SETD3: variants seen among roughly 807,000 people sequenced by gnomAD.
SETD3 encodes the protein SET domain containing 3, actin N3(tau)-histidine methyltransferase.
In SETD3, 19 loss-of-function variants were observed where a neutral mutation model predicts 63.0. That is an observed-to-expected ratio of 0.30 (90% CI 0.21 to 0.44). The LOEUF (loss-of-function observed/expected upper bound fraction) is 0.44. Ranked by LOEUF, SETD3 falls within the 20% of genes least tolerant of loss-of-function variation. The pLI is 1.00. For missense variants in SETD3, 587 were observed against 728.5 expected (o/e 0.81, Z 2.24); for synonymous variants, 286 against 264.1 (o/e 1.08, Z -0.80).
rs528812450 is a variant in SETD3 at position 99,418,166 on chromosome 14, A to G, written c.676-4232T>C. ...AAAATTATTAATTTCAAATATATTT[A>G]TGGAAGAATTCAGTGACTCTGCCCT... On this transcript the variant is annotated intron_variant, in intron 6 of 12. Transcript: ENST00000331768. Among the ~76,000 whole-genome samples, 3 of 152,352 alleles carry G rather than the reference A, an allele frequency of 2.0e-5. No individual in the cohort carries two copies. The South Asian group carries it at 6.2e-4, about 32-fold the overall frequency.
intron 2 of SETD3, among the ~76,000 whole-genome samples, chr14:99,463,927 T>G (rs1777164672): frequency 6.6e-6 from 1 of 152,178 alleles, no homozygotes. Context: ...AAATGCAAAC[T>G]ATCCCCCCAA....
intron 12 of SETD3, among the ~76,000 whole-genome samples, chr14:99,399,467 G>A (rs529122022): frequency 3.9e-5 from 6 of 152,330 alleles, no homozygotes; most frequent in African/African-American, 9.6e-5. Flanking sequence ...AGGGCAGCAC[G>A]TGGGTGAATG....
intron 6 of SETD3, among the ~76,000 whole-genome samples, chr14:99,431,924 C>T (rs956911600): frequency 6.6e-6 from 1 of 152,152 alleles, no homozygotes; most frequent in Admixed American, 6.5e-5. Context: ...TCAATTTTAA[C>T]TCGGGAATAC....
chr14:99,485,787 G>A (rs989594748), upstream of SETD3, among the ~76,000 whole-genome samples: 2 of 152,100 alleles, frequency 1.3e-5, no homozygotes, highest in African/African-American at 4.8e-5. Context: ...TTGAACCCTG[G>A]AGGCGGGAGG....
At chr14:99,403,156 C>T (rs542116590) in intron 11 of SETD3, among the ~76,000 whole-genome samples, 2 of 152,230 alleles carry the variant, frequency 1.3e-5, no homozygotes, top group South Asian at 2.1e-4. Flanking sequence ...TCTCCTGTTT[C>T]GGGACTAGGT....
At chr14:99,482,673 T>G (rs1450036409), upstream of SETD3, among the ~76,000 whole-genome samples, 1 of 152,256 alleles carries the variant, frequency 6.6e-6, no homozygotes, top group Non-Finnish European at 1.5e-5. Context: ...AAATCCTGTT[T>G]AAATTTGTTC....
chr14:99,437,209 T>C (rs769032226), intron 6 of SETD3, among the ~76,000 whole-genome samples: 5 of 152,198 alleles, frequency 3.3e-5, no homozygotes, highest in Non-Finnish European at 7.3e-5. Context: ...GATCTTGGCA[T>C]TGAGTAAAGT....
chr14:99,470,565 A>G (rs1365346965), intron 1 of SETD3, among the ~76,000 whole-genome samples: 1 of 152,164 alleles, frequency 6.6e-6, no homozygotes, highest in African/African-American at 2.4e-5. Context: ...ACAAGTTTCC[A>G]GGGCTCTTCC....
chr14:99,485,972 T>C, the SETD3 span, among the ~76,000 whole-genome samples: 4 of 152,268 alleles, frequency 2.6e-5, no homozygotes, highest in African/African-American at 7.2e-5. Flanking sequence ...ATTTTATTTA[T>C]ATGTGTATAT....
chr14:99,458,561 G>GT (rs770311303), intron 5 of SETD3, 26 bp from the exon 6 acceptor site: 46 of 1,588,662 alleles, frequency 2.9e-5, no homozygotes, highest in African/African-American at 2.0e-4. Flanking sequence ...AGTTAACAGC[G>GT]TAAGTTCCAC....
At chr14:99,458,998 AG>A in intron 5 of SETD3, 114 bp downstream of exon 5, 1 of 667,650 alleles carries the variant, frequency 1.5e-6, no homozygotes, top group East Asian at 2.7e-5. Context: ...TGCATATTTG[AG>A]GGAATATTTC....
At chr14:99,440,426 G>T (rs1032170046) in intron 6 of SETD3, among the ~76,000 whole-genome samples, 1 of 152,110 alleles carries the variant, frequency 6.6e-6, no homozygotes, top group Non-Finnish European at 1.5e-5. Flanking sequence ...CTACACGTGC[G>T]AAGTGGAAAT....
At chr14:99,410,490 A>G (rs893858760) in intron 8 of SETD3, among the ~76,000 whole-genome samples, 2 of 152,170 alleles carry the variant, frequency 1.3e-5, no homozygotes, top group Admixed American at 6.5e-5. Flanking sequence ...TTATTCCAAC[A>G]TACTCTCTGT....
At chr14:99,469,865 G>C (rs995030279) in intron 1 of SETD3, among the ~76,000 whole-genome samples, 1 of 152,166 alleles carries the variant, frequency 6.6e-6, no homozygotes, top group Non-Finnish European at 1.5e-5. Flanking sequence ...CAGTCCTGAC[G>C]AACCCTTTCA....
intron 1 of SETD3, among the ~76,000 whole-genome samples, chr14:99,473,369 T>C (rs1281245463): frequency 6.6e-6 from 1 of 152,226 alleles, no homozygotes; most frequent in Non-Finnish European, 1.5e-5. Flanking sequence ...CATAATGAAC[T>C]GATTTGGATG....
chr14:99,404,536 A>C (rs1475144533), intron 10 of SETD3, among the ~76,000 whole-genome samples: 1 of 152,246 alleles, frequency 6.6e-6, no homozygotes, highest in Non-Finnish European at 1.5e-5. Flanking sequence ...GACCATCCTC[A>C]CAAGCTTTTC....
intron 11 of SETD3, among the ~76,000 whole-genome samples, chr14:99,401,550 G>A (rs1464770444): frequency 6.6e-6 from 1 of 152,124 alleles, no homozygotes; most frequent in Non-Finnish European, 1.5e-5. Flanking sequence ...TGACTAGAGA[G>A]GAACTAAAGA....
At chr14:99,455,403 GT>G (rs1442985038) in intron 6 of SETD3, among the ~76,000 whole-genome samples, 1 of 152,196 alleles carries the variant, frequency 6.6e-6, no homozygotes, top group African/African-American at 2.4e-5. Flanking sequence ...TTTTTTCAGT[GT>G]TTGTTCCCCT....
intron 6 of SETD3, among the ~76,000 whole-genome samples, chr14:99,445,855 T>C (rs949447924): frequency 6.6e-6 from 1 of 152,226 alleles, no homozygotes; most frequent in African/African-American, 2.4e-5. Context: ...ATCTTAGGTT[T>C]GGTTTTGTTT....
Sources: gnomAD v4.1 joint callset for allele counts (sites outside exome capture counted in the v4.1 genomes callset) on GRCh38, gnomAD v4.1.1 for gene constraint, MANE v1.5 for transcripts, NCBI Gene and HGNC (gene_info 2026-07-23, HGNC 2026-07-21) for gene names.